Variants in LMO7 observed in about 807,000 individuals in gnomAD.
The protein encoded by LMO7 is LIM domain 7.
LMO7 carries 120 observed loss-of-function variants against 206.5 expected under a neutral mutation model. That is an observed-to-expected ratio of 0.58 (90% confidence interval 0.50 to 0.68). LMO7 has a LOEUF of 0.68. Among genes scored for constraint, LMO7 ranks in the 30% least tolerant of loss-of-function variants. The pLI, the probability that LMO7 is intolerant of heterozygous loss-of-function variation, is 0.00. For missense variants in LMO7, 1,959 were observed against 1,957.9 expected (o/e 1.00, Z -0.01); for synonymous variants, 706 against 681.5 (o/e 1.04, Z -0.56).
At chr13:75,754,388 A>T (rs1594750602) in intron 3 of LMO7, among the ~76,000 whole-genome samples, 1 of 152,172 alleles carries the variant, frequency 6.6e-6, no homozygotes, top group Non-Finnish European at 1.5e-5. Context: ...AGACCACAAC[A>T]TGTTTATCCA....
chr13:75,636,561 G>T lies in LMO7; in HGVS notation c.-97G>T, dbSNP rs2035880688. 1.0e-5 allele frequency: 16 copies of T among 1,531,272 alleles called. No individual in the cohort carries two copies. Among genetic ancestry groups the T allele is most frequent in the Non-Finnish European group, 1.4e-5 (16 of 1,144,678 alleles). The allele number at this position is 1,531,272 out of a possible 1,614,324, so 94.9% of individuals were successfully genotyped here. On this transcript the variant is annotated 5_prime_UTR_variant, in exon 1 of 31. Transcript: ENST00000377534. ...GGAGCGGAAGCCGGAGTTGTGGGAG[G>T]CCCGCGTGCCCTCCCCGCCCGTGGG... is the stretch of plus-strand genomic sequence containing the variant.
chr13:75,818,948 T>C (rs1254119453), intron 12 of LMO7, among the ~76,000 whole-genome samples: 1 of 152,206 alleles, frequency 6.6e-6, no homozygotes, highest in Non-Finnish European at 1.5e-5. Context: ...GGGATTGAAC[T>C]CTGTTTGTGA....
intron 2 of LMO7, among the ~76,000 whole-genome samples, chr13:75,625,588 AG>A (rs1294961603): frequency 2.6e-5 from 4 of 152,196 alleles, no homozygotes; most frequent in Admixed American, 2.6e-4. Flanking sequence ...ACAAAGCCTT[AG>A]GGTCACAGAT....
At chr13:75,694,324 T>C (rs1382056397) in intron 1 of LMO7, among the ~76,000 whole-genome samples, 8 of 152,138 alleles carry the variant, frequency 5.3e-5, no homozygotes, top group African/African-American at 1.7e-4. Context: ...TCTGGGTTCT[T>C]TTGTCTAGGT....
At chr13:75,657,808 A>AAGGCC (rs946895992) in intron 1 of LMO7, among the ~76,000 whole-genome samples, 1 of 152,200 alleles carries the variant, frequency 6.6e-6, no homozygotes, top group African/African-American at 2.4e-5. Context: ...TATCTTCTCT[A>AAGGCC]AGGCCCTCAC....
intron 16 of LMO7, among the ~76,000 whole-genome samples, chr13:75,833,766 A>C (rs1387086004): frequency 6.6e-6 from 1 of 152,080 alleles, no homozygotes; most frequent in Non-Finnish European, 1.5e-5. Flanking sequence ...TGTTAACACC[A>C]GTTAGTTCTT....
At chr13:75,845,236 T>TA in intron 25 of LMO7, 91 bp from the exon 26 acceptor site, 1 of 629,824 alleles carries the variant, frequency 1.6e-6, no homozygotes, top group Non-Finnish European at 2.6e-6. Flanking sequence ...TCAACTGCTT[T>TA]AAAAAGCAAT....
intron 1 of LMO7, among the ~76,000 whole-genome samples, chr13:75,690,484 G>A (rs866380417): frequency 1.3e-5 from 2 of 152,150 alleles, no homozygotes; most frequent in Non-Finnish European, 2.9e-5. Flanking sequence ...TGAGTACTAG[G>A]TTTGGCACCA....
chr13:75,766,186 T>C (rs1347255821), intron 4 of LMO7, among the ~76,000 whole-genome samples: 1 of 151,914 alleles, frequency 6.6e-6, no homozygotes, highest in Non-Finnish European at 1.5e-5. Context: ...TATGTTGACT[T>C]AATCCAACTT....
At chr13:75,625,442 TG>T (rs2033915490) in intron 2 of LMO7, among the ~76,000 whole-genome samples, 1 of 37,598 alleles carries the variant, frequency 2.7e-5, no homozygotes, top group African/African-American at 8.5e-5. Context: ...TGTGTGTGTG[TG>T]TGTGTGTGTG....
intron 1 of LMO7, among the ~76,000 whole-genome samples, chr13:75,653,971 T>C (rs964802618): frequency 2.0e-4 from 31 of 152,228 alleles, no homozygotes; most frequent in African/African-American, 7.0e-4. Flanking sequence ...CCATAGTGGA[T>C]CTCTTGATAA....
intron 7 of LMO7, among the ~76,000 whole-genome samples, chr13:75,801,497 G>A (rs888521774): frequency 3.3e-5 from 5 of 152,198 alleles, no homozygotes; most frequent in African/African-American, 1.2e-4. Flanking sequence ...CAGAGCAAGT[G>A]TGAAAGGAAC....
At chr13:75,819,242 G>T (rs760808960) in intron 12 of LMO7, 151 bp from the exon 13 acceptor site, 14 of 726,074 alleles carry the variant, frequency 1.9e-5, no homozygotes, top group Non-Finnish European at 1.1e-5. Flanking sequence ...GTACAGAAAC[G>T]CTGGCTATAA....
rs1277370404 is a variant in LMO7, at chr13:75,841,773, A to G, written c.3821A>G (p.Gln1274Arg). 6.2e-7 allele frequency: 1 copy of G among 1,614,124 alleles called. No individual in the cohort carries two copies. The highest frequency in any genetic ancestry group is 8.5e-7 in the Non-Finnish European group (1 of 1,180,012). The part of the protein sequence containing the change: ...RAGEEERRQP[Q>R]EEVVHEDQGK... ...GGAGAAGAGGAGAGGAGACAGCCAC[A>G]AGAGGAAGTTGTTCATGAGGACCAA... The change falls in exon 24 of 31, where the codon CAA becomes CGA. Residue 1274 changes from glutamine to arginine, a missense_variant. By Grantham distance (43) the Gln-to-Arg change is conservative. Coordinates refer to ENST00000377534, the MANE Select transcript of LMO7 (RefSeq NM_001306080.2).
At chr13:75,716,145 T>C (rs1420868436) in intron 2 of LMO7, among the ~76,000 whole-genome samples, 1 of 152,178 alleles carries the variant, frequency 6.6e-6, no homozygotes, top group Non-Finnish European at 1.5e-5. Context: ...TTTCTTAATA[T>C]TTCATCCAGT....
In LMO7 at chr13:75,727,059, TAAG is replaced by T. The variant is rs759588492; in HGVS notation, c.176_178del (p.Lys59del). On this transcript the variant is annotated inframe_deletion, in exon 3 of 31. Coordinates refer to ENST00000377534, the MANE Select transcript of LMO7 (RefSeq NM_001306080.2). ...TTAATAAGCTTAAACCTGGCGTCAT[TAAG>T]AAGATCAATAGACTGTCTACACCAA... The T allele has an allele frequency of 2.3e-5, 37 of 1,590,116 alleles. No homozygotes were observed. The highest frequency in any genetic ancestry group is 7.7e-5 in the South Asian group (7 of 90,328).
At chr13:75,712,429 C>T (rs1447574502) in intron 1 of LMO7, among the ~76,000 whole-genome samples, 2 of 152,084 alleles carry the variant, frequency 1.3e-5, no homozygotes, top group Admixed American at 6.6e-5. Context: ...CTACTATTTC[C>T]CCTGTGGAAT....
intron 3 of LMO7, among the ~76,000 whole-genome samples, chr13:75,735,609 G>T (rs939318119): frequency 1.3e-5 from 2 of 151,330 alleles, no homozygotes; most frequent in Non-Finnish European, 2.9e-5. Context: ...CTACAGGCGC[G>T]CGGCACCACA....
chr13:75,702,734 T>G (rs928431670), intron 1 of LMO7, among the ~76,000 whole-genome samples: 13 of 152,260 alleles, frequency 8.5e-5, no homozygotes, highest in African/African-American at 3.1e-4. Context: ...AATTGCTTCA[T>G]TTTACTTTTT....
Sources: gnomAD v4.1 joint callset for allele counts (sites outside exome capture counted in the v4.1 genomes callset) on GRCh38, gnomAD v4.1.1 for gene constraint, MANE v1.5 for transcripts, NCBI Gene and HGNC (gene_info 2026-07-23, HGNC 2026-07-21) for gene names.